Variants in MSR1 observed in about 807,000 individuals in gnomAD.
MSR1 encodes the protein macrophage scavenger receptor types I and II.
A neutral mutation model predicts 47.2 loss-of-function variants in MSR1; 53 were observed. The observed-to-expected ratio is 1.12, with a 90% confidence interval of 0.90 to 1.41. The LOEUF (loss-of-function observed/expected upper bound fraction) is 1.41, where lower values mean the gene tolerates loss of function less well. Among genes scored for constraint, MSR1 ranks in the 40% most tolerant of loss-of-function variants. MSR1 has a pLI of 0.00. For missense variants in MSR1, 786 were observed against 546.9 expected, an observed-to-expected ratio of 1.44 and a Z score of -4.36; for synonymous variants, 239 against 185.6, an observed-to-expected ratio of 1.29 and a Z score of -2.34.
At chr8:16,117,188 C>T (rs532680226) in intron 9 of MSR1, among the ~76,000 whole-genome samples, 39 of 152,164 alleles carry the variant, frequency 2.6e-4, no homozygotes, top group African/African-American at 7.7e-4. Flanking sequence ...CTCACATTAC[C>T]GCCTGAGTGC....
chr8:16,115,772 G>C (rs2066168303), intron 9 of MSR1, among the ~76,000 whole-genome samples: 1 of 152,008 alleles, frequency 6.6e-6, no homozygotes, highest in African/African-American at 2.4e-5. Flanking sequence ...GAGGCTAGGA[G>C]TTTTAGATGA....
At chr8:16,190,758 G>C (rs1400600421) in intron 1 of MSR1, among the ~76,000 whole-genome samples, 12 of 141,608 alleles carry the variant, frequency 8.5e-5, no homozygotes, top group African/African-American at 2.3e-4. Flanking sequence ...TTTCGCTCTT[G>C]TTGCCCAGGC....
intron 6 of MSR1, 118 bp downstream of exon 6, chr8:16,154,946 A>G: frequency 2.4e-6 from 2 of 840,946 alleles, no homozygotes; most frequent in Non-Finnish European, 3.9e-6. Flanking sequence ...ACACACACAC[A>G]CACACATACA....
chr8:16,160,868 A>C (rs992960255), intron 5 of MSR1, among the ~76,000 whole-genome samples: 12 of 151,908 alleles, frequency 7.9e-5, no homozygotes, highest in Non-Finnish European at 1.5e-5. Flanking sequence ...TGAGAAAATT[A>C]GGGCAGAGAA....
chr8:16,149,503 C>T (rs1353707227), intron 7 of MSR1, among the ~76,000 whole-genome samples: 1 of 151,986 alleles, frequency 6.6e-6, no homozygotes, highest in Non-Finnish European at 1.5e-5. Flanking sequence ...GCTGGGACTA[C>T]AGGTACTCAC....
chr8:16,132,533 G>A (rs351553), intron 8 of MSR1, among the ~76,000 whole-genome samples: 9,592 of 151,922 alleles, frequency 0.063, 1,005 homozygotes, highest in African/African-American at 0.22. Context: ...TGTCACCCAG[G>A]CTGGAGTGCA....
At chr8:16,172,650 G>C (rs781539755) in intron 3 of MSR1, among the ~76,000 whole-genome samples, 6 of 151,890 alleles carry the variant, frequency 4.0e-5, no homozygotes, top group African/African-American at 4.8e-5. Flanking sequence ...TTCAGCTAAA[G>C]AATTTTTAGT....
At chr8:16,135,111 A>ATCC (rs1484528224) in intron 8 of MSR1, among the ~76,000 whole-genome samples, 1 of 152,156 alleles carries the variant, frequency 6.6e-6, no homozygotes, top group African/African-American at 2.4e-5. Flanking sequence ...TCTAGTTAGG[A>ATCC]TAATTGATGA....
chr8:16,175,781 G>A (rs779778685), intron 2 of MSR1, among the ~76,000 whole-genome samples: 3 of 152,020 alleles, frequency 2.0e-5, no homozygotes, highest in Non-Finnish European at 2.9e-5. Context: ...CTTCTCAATA[G>A]TTTTGTATCT....
intron 3 of MSR1, among the ~76,000 whole-genome samples, chr8:16,172,850 T>C (rs1017261757): frequency 2.0e-5 from 3 of 152,142 alleles, no homozygotes; most frequent in Admixed American, 6.5e-5. Flanking sequence ...GTTTTATATA[T>C]AATATTCTAT....
chr8:16,186,380 G>C lies in MSR1; in HGVS notation c.-5+6218C>G, dbSNP rs1417076303. 6 of 578,022 alleles carry C rather than the reference G, an allele frequency of 1.0e-5. No homozygotes were observed. In the East Asian group the frequency reaches 1.7e-4, roughly 16 times the overall value. The allele number at this position is 578,022 out of a possible 1,614,324, so 35.8% of individuals were successfully genotyped here. On this transcript the variant is annotated intron_variant, in intron 1 of 9. Coordinates refer to ENST00000262101, the MANE Select transcript of MSR1 (RefSeq NM_138715.3). ...AATCTAGAAGGCTGATGACTCTTAA[G>C]TCTTTATCTCTTGCCCATAGCTCGT...
At chr8:16,154,369 T>G (rs997049742) in intron 6 of MSR1, among the ~76,000 whole-genome samples, 3 of 152,028 alleles carry the variant, frequency 2.0e-5, no homozygotes, top group Admixed American at 2.0e-4. Flanking sequence ...TTTTTATTTT[T>G]TCAAGCAAAG....
intron 1 of MSR1, among the ~76,000 whole-genome samples, chr8:16,181,974 T>A (rs1200463478): frequency 6.6e-6 from 1 of 152,156 alleles, no homozygotes; most frequent in East Asian, 1.9e-4. Context: ...TTCTGAGAAA[T>A]GCATTGCTAG....
intron 1 of MSR1, among the ~76,000 whole-genome samples, chr8:16,180,573 A>C (rs1585195223): frequency 1.3e-5 from 2 of 152,030 alleles, no homozygotes; most frequent in East Asian, 3.9e-4. Context: ...ATCATTTCTT[A>C]TTTTCTTGAA....
chr8:16,124,265 A>C (rs1481516708), intron 8 of MSR1, among the ~76,000 whole-genome samples: 1 of 152,158 alleles, frequency 6.6e-6, no homozygotes, highest in Non-Finnish European at 1.5e-5. Context: ...GCAGACAAAA[A>C]ATCTTAAGTC....
intron 8 of MSR1, chr8:16,121,001 A>C (rs767418375): frequency 4.5e-5 from 14 of 311,170 alleles, no homozygotes; most frequent in Non-Finnish European, 6.8e-5. Context: ...AAACTTATCA[A>C]CATACAATGC....
chr8:16,118,799 A>AT (rs1386811614), intron 9 of MSR1, among the ~76,000 whole-genome samples: 2 of 152,178 alleles, frequency 1.3e-5, no homozygotes, highest in Non-Finnish European at 1.5e-5. Context: ...AGAGTTGAGG[A>AT]TTTTTTCTTT....
intron 8 of MSR1, among the ~76,000 whole-genome samples, chr8:16,122,131 T>G (rs929775550): frequency 1.3e-5 from 2 of 152,148 alleles, no homozygotes; most frequent in African/African-American, 4.8e-5. Context: ...TGATTTAGTG[T>G]AAGCATGCCT....
chr8:16,139,902 T>G (rs1168472077), intron 8 of MSR1: 1 of 405,022 alleles, frequency 2.5e-6, no homozygotes, highest in South Asian at 9.9e-5. Flanking sequence ...GAATTAAAAT[T>G]TTTTTATCTC....
Sources: gnomAD v4.1 joint callset for allele counts (sites outside exome capture counted in the v4.1 genomes callset) on GRCh38, gnomAD v4.1.1 for gene constraint, MANE v1.5 for transcripts, NCBI Gene and HGNC (gene_info 2026-07-23, HGNC 2026-07-21) for gene names.